The following YTHDC1 variants were observed in gnomAD, a reference collection of about 807,000 sequenced individuals.
The protein encoded by YTHDC1 is YTH domain-containing protein 1.
In YTHDC1, 12 loss-of-function variants were observed where a neutral mutation model predicts 107.0. That is an observed-to-expected ratio of 0.11 (90% confidence interval 0.07 to 0.18). The LOEUF is 0.18. Among genes scored for constraint, YTHDC1 ranks in the 10% least tolerant of loss-of-function variants. The probability of loss-of-function intolerance (pLI) is 1.00; values close to 1 mark genes in which losing one functional copy is unlikely to be tolerated. For synonymous variants in YTHDC1, 280 were observed against 289.5 expected (o/e 0.97, Z 0.33); for missense variants, 635 against 898.8 (o/e 0.71, Z 3.75).
rs1722731914 is a variant in YTHDC1, at chr4:68,324,198, C to A, written c.1375G>T (p.Ala459Ser). 3.1e-6 allele frequency: 5 copies of A among 1,613,832 alleles called. No individual in the cohort carries two copies. Among genetic ancestry groups the A allele is most frequent in the Non-Finnish European group, 4.2e-6 (5 of 1,179,830 alleles). ...CRRELPFTKS[A>S]HLTNPWNEHK... is the part of the protein sequence containing the mutation. Reference sequence around the variant, plus strand: ...TCATTCCAAGGATTGGTGAGATGAGCCGACTTAGTGAAGGGTAATTCACGC... The same window carrying A: ...TCATTCCAAGGATTGGTGAGATGAGACGACTTAGTGAAGGGTAATTCACGC... Residue 459 changes from alanine (A) to serine (S), a missense_variant, in exon 10 of 17, where the codon GCT (alanine) becomes TCT (serine). Physicochemically the swap from Ala to Ser is moderately conservative, Grantham distance 99 (BLOSUM62 1). This residue lies in a region of YTHDC1 where 256 missense variants were observed against 372.9 expected (regional missense o/e 0.69). Transcript: ENST00000344157.
At chr4:68,346,246 T>C (rs1725428985) in intron 1 of YTHDC1, among the ~76,000 whole-genome samples, 1 of 151,670 alleles carries the variant, frequency 6.6e-6, no homozygotes, top group South Asian at 2.1e-4. Context: ...GAAGACCTCG[T>C]CTCTACTAAA....
intron 11 of YTHDC1, among the ~76,000 whole-genome samples, chr4:68,320,600 A>C (rs1211524697): frequency 6.6e-6 from 1 of 152,086 alleles, no homozygotes; most frequent in African/African-American, 2.4e-5. Flanking sequence ...AAACTAGAAA[A>C]ACCTATCATC....
At chr4:68,325,320 A>G (rs1028385722) in intron 9 of YTHDC1, among the ~76,000 whole-genome samples, 1 of 152,282 alleles carries the variant, frequency 6.6e-6, no homozygotes, top group South Asian at 2.1e-4. Context: ...GAAAGAAAGA[A>G]AAATAATCAC....
At chr4:68,341,430 T>G (rs1487393566) in intron 1 of YTHDC1, among the ~76,000 whole-genome samples, 1 of 152,226 alleles carries the variant, frequency 6.6e-6, no homozygotes, top group Non-Finnish European at 1.5e-5. Context: ...TTAAATGATG[T>G]ACACACTTTT....
chr4:68,330,521 A>C (rs1723454981), intron 7 of YTHDC1, among the ~76,000 whole-genome samples: 1 of 152,204 alleles, frequency 6.6e-6, no homozygotes, highest in African/African-American at 2.4e-5. Flanking sequence ...CAATTTTACA[A>C]AACCATTAAA....
chr4:68,343,127 T>G (rs1725030539), intron 1 of YTHDC1, among the ~76,000 whole-genome samples: 1 of 152,174 alleles, frequency 6.6e-6, no homozygotes, highest in Non-Finnish European at 1.5e-5. Context: ...TTCTATGACA[T>G]AAAGCACTTC....
chr4:68,332,718 T>C, intron 6 of YTHDC1, 76 bp downstream of exon 6: 1 of 1,314,282 alleles, frequency 7.6e-7, no homozygotes, highest in Non-Finnish European at 1.1e-6. Context: ...TAAAAGCAGC[T>C]ATTAATGGAG....
intron 11 of YTHDC1, among the ~76,000 whole-genome samples, chr4:68,321,981 T>C (rs1722492852): frequency 6.6e-6 from 1 of 152,198 alleles, no homozygotes. Context: ...TCAATAACCA[T>C]GGCGATCCTC....
rs1721342322 is a variant in YTHDC1 at position 68,312,002 on chromosome 4, CG to C, written c.*2096del. On this transcript the variant is annotated 3_prime_UTR_variant, in exon 17 of 17. Transcript: ENST00000344157. ...TCTCTACTAAAATTACAAAAATTAG[CG>C]GGGTGTGGTGGTGGGTGCCTGTAGT... 1 of 152,076 alleles carries C rather than the reference CG, an allele frequency of 6.6e-6. No homozygotes were observed. Among genetic ancestry groups the C allele is most frequent in the Admixed American group, 6.6e-5 (1 of 15,254 alleles). The allele number at this position is 152,076 out of a possible 1,614,324, so 9.4% of individuals were successfully genotyped here. A position where few individuals can be genotyped will look rare whatever the true frequency, so the allele number is the denominator to read the frequency against.
chr4:68,331,898 A>T (rs1723623437), intron 7 of YTHDC1, among the ~76,000 whole-genome samples: 1 of 147,954 alleles, frequency 6.8e-6, no homozygotes, highest in Non-Finnish European at 1.5e-5. Context: ...TCTGACCCCT[A>T]AAATCATCTT....
intron 9 of YTHDC1, among the ~76,000 whole-genome samples, chr4:68,327,890 A>G (rs1372030429): frequency 2.0e-5 from 3 of 152,164 alleles, no homozygotes; most frequent in Non-Finnish European, 4.4e-5. Flanking sequence ...TTGAGTATTA[A>G]AACATTAAAA....
At position 68,322,694 on chromosome 4, in the gene YTHDC1, CCAT is replaced by C; in HGVS notation, c.1601+52_1601+54del. 1.3e-6 allele frequency: 2 copies of C among 1,550,116 alleles called. No individual in the cohort carries two copies. Among genetic ancestry groups the C allele is most frequent in the Non-Finnish European group, 1.8e-6 (2 of 1,139,346 alleles). On this transcript the variant is annotated intron_variant, in intron 11 of 16. Coordinates refer to ENST00000344157, the MANE Select transcript of YTHDC1 (RefSeq NM_001031732.4). The surrounding 1 kb of genome is among the most constrained non-coding windows in gnomAD (Gnocchi z 4.8). Reference sequence around the variant, plus strand: ...CAAACTTTTGACGAATCATATTCCTCCATCATGTTATTCTGATACATGTGCCTA... The same window carrying C: ...CAAACTTTTGACGAATCATATTCCTCCATGTTATTCTGATACATGTGCCTA...
In YTHDC1 at chr4:68,334,125, G is replaced by T. The variant is rs143479488; in HGVS notation, c.884-728C>A. 8.8e-4 allele frequency among the ~76,000 whole-genome samples: 134 copies of T among 152,172 alleles called. 1 individual carries two copies. Among genetic ancestry groups the T allele is most frequent in the African/African-American group, 3.2e-3 (133 of 41,488 alleles). ...AGTCCCAAGCTTAATTTGGAACTTT[G>T]TAAGCATATACATGAGGACTTGAAA... is the stretch of plus-strand genomic sequence containing the variant. On this transcript the variant is annotated intron_variant, in intron 4 of 16. Transcript: ENST00000344157.
intron 1 of YTHDC1, among the ~76,000 whole-genome samples, chr4:68,342,315 ATT>A (rs1177272273): frequency 3.9e-5 from 6 of 152,224 alleles, no homozygotes; most frequent in Non-Finnish European, 2.9e-5. Flanking sequence ...CTTCTCCAAC[ATT>A]TCTGTGTGTG....
rs1202750692 is a variant in YTHDC1 at position 68,311,616 on chromosome 4, T to A, written c.*2483A>T. ...TTCTGTACAGAAAAAAATCTTGCAT[T>A]TTTTATACAATGTTCCGGTAAGTTT... On this transcript the variant is annotated 3_prime_UTR_variant, in exon 17 of 17. Coordinates refer to ENST00000344157, the MANE Select transcript of YTHDC1 (RefSeq NM_001031732.4). The A allele has an allele frequency of 2.6e-5, 4 of 152,210 alleles. No homozygotes were observed. Among genetic ancestry groups the A allele is most frequent in the Admixed American group, 1.3e-4 (2 of 15,280 alleles). The allele number at this position is 152,210 out of a possible 1,614,324, so 9.4% of individuals were successfully genotyped here.
chr4:68,318,651 G>T, intron 14 of YTHDC1, 39 bp downstream of exon 14: 1 of 1,610,250 alleles, frequency 6.2e-7, no homozygotes, highest in Non-Finnish European at 8.5e-7. Flanking sequence ...ATCAGAGCCT[G>T]ATTTTATCCA....
chr4:68,332,368 A>G (rs749831049), intron 6 of YTHDC1, among the ~76,000 whole-genome samples, 171 bp from the exon 7 acceptor site: 1 of 152,156 alleles, frequency 6.6e-6, no homozygotes, highest in Non-Finnish European at 1.5e-5. Context: ...AAAGCTAAGA[A>G]AAGACAATCA....
At position 68,349,833 on chromosome 4, in the gene YTHDC1, A is replaced by T. The variant is rs36215897; in HGVS notation, c.-80T>A. ...GCGCGGGCGCCGCAGCCGCGGCAGA[A>T]GCACGGGCCCGTCCGTCAGTCCGTC... On this transcript the variant is annotated 5_prime_UTR_variant, in exon 1 of 17. Transcript: ENST00000344157. 22,975 of 1,598,316 alleles carry T rather than the reference A, an allele frequency of 0.014. 199 individuals are homozygous for T. Among genetic ancestry groups the T allele is most frequent in the Non-Finnish European group, 0.017 (19,327 of 1,169,146 alleles).
chr4:68,349,016 C>T (rs992004966), intron 1 of YTHDC1, among the ~76,000 whole-genome samples: 2 of 152,064 alleles, frequency 1.3e-5, no homozygotes, highest in Non-Finnish European at 2.9e-5. Context: ...GAAATTTATC[C>T]CTCCAACTCT....
Sources: allele counts gnomAD v4.1 joint callset (sites outside exome capture counted in the v4.1 genomes callset), GRCh38; gene constraint gnomAD v4.1.1; regional missense constraint gnomAD v4.1.1; non-coding constraint Gnocchi (gnomAD v3.1); transcripts MANE v1.5; gene names NCBI Gene and HGNC (gene_info 2026-07-23, HGNC 2026-07-21).